The following NCOA7 variants were observed in gnomAD, a reference collection of about 807,000 sequenced individuals.
The protein encoded by NCOA7 is 140 kDa estrogen receptor-associated protein.
In NCOA7, 45 loss-of-function variants were observed where a neutral mutation model predicts 104.3. The ratio of observed to expected loss-of-function variants is 0.43; its 90% CI spans 0.34 to 0.55. The LOEUF (loss-of-function observed/expected upper bound fraction) is 0.55, where lower values mean the gene tolerates loss of function less well. Ranked by LOEUF, NCOA7 falls within the 20% of genes least tolerant of loss-of-function variation. The probability of loss-of-function intolerance (pLI) is 0.02; values close to 1 mark genes in which losing one functional copy is unlikely to be tolerated. For missense variants in NCOA7, 1,041 were observed against 1,119.7 expected (o/e 0.93, Z 1.00); for synonymous variants, 398 against 402.3 (o/e 0.99, Z 0.13).
At chr6:125,859,310 T>C (rs546807529) in intron 3 of NCOA7, among the ~76,000 whole-genome samples, 430 of 152,124 alleles carry the variant, frequency 2.8e-3, no homozygotes, top group Non-Finnish European at 5.2e-3. Flanking sequence ...ATGAATTTGT[T>C]TGGAGATGTT....
At chr6:125,883,713 CTTTTTTTTTTTTT>C (rs35489978) in intron 7 of NCOA7, among the ~76,000 whole-genome samples, 1 of 85,932 alleles carries the variant, frequency 1.2e-5, no homozygotes, top group Non-Finnish European at 2.2e-5. Flanking sequence ...ACCTACACCT[CTTTTTTTTTTTTT>C]TTTTTTTTTT....
At chr6:125,823,480 T>C (rs570776373) in intron 2 of NCOA7, among the ~76,000 whole-genome samples, 1 of 152,208 alleles carries the variant, frequency 6.6e-6, no homozygotes, top group Non-Finnish European at 1.5e-5. Context: ...CTAACTAAAC[T>C]GTTGTATGAG....
At chr6:125,879,353 A>G (rs1783632986) in intron 5 of NCOA7, among the ~76,000 whole-genome samples, 1 of 152,146 alleles carries the variant, frequency 6.6e-6, no homozygotes, top group Non-Finnish European at 1.5e-5. Context: ...GAGAAACTTC[A>G]TTTTTATCTC....
chr6:125,881,087 C>T lies in NCOA7; in HGVS notation c.460-3C>T, dbSNP rs771315868. On this transcript the variant is annotated splice_polypyrimidine_tract_variant and splice_region_variant and intron_variant, in intron 5 of 15. Transcript: ENST00000392477. ...TCACCCATCTGTTCTCTCCCATTCT[C>T]AGGTCCTTTTTGTGCCAGATGCCAA... 3 of 1,606,116 alleles carry T rather than the reference C, an allele frequency of 1.9e-6. No homozygotes were observed. Among genetic ancestry groups the T allele is most frequent in the Admixed American group, 1.7e-5 (1 of 59,996 alleles).
At chr6:125,923,646 A>T (rs1328340559) in intron 13 of NCOA7, among the ~76,000 whole-genome samples, 2 of 152,206 alleles carry the variant, frequency 1.3e-5, no homozygotes, top group African/African-American at 4.8e-5. Context: ...ATTTTCTGTC[A>T]CTGAAGCAGA....
At chr6:125,840,322 T>TA (rs1215608453) in intron 2 of NCOA7, among the ~76,000 whole-genome samples, 1 of 152,012 alleles carries the variant, frequency 6.6e-6, no homozygotes, top group African/African-American at 2.4e-5. Context: ...ACTGATAAAG[T>TA]AAAAAAGTTA....
chr6:125,888,540 A>G (rs947819773), intron 8 of NCOA7, among the ~76,000 whole-genome samples: 5 of 152,222 alleles, frequency 3.3e-5, no homozygotes, highest in Non-Finnish European at 7.3e-5. Flanking sequence ...ATGTTTGCAC[A>G]TTTAAGGAAT....
chr6:125,921,044 C>T lies in NCOA7; in HGVS notation c.2346C>T (p.Leu782=), dbSNP rs373104192. The T allele has an allele frequency of 6.8e-6, 11 of 1,613,610 alleles. No homozygotes were observed. The highest frequency in any genetic ancestry group is 2.2e-5 in the South Asian group (2 of 91,072). ...CTGTCCTACGGCCCCACAGCGCGCT[C>T]CTGGAGAATATGCACATCGAGCAGG... ...VLPVLRPHSA[L]LENMHIEQLA... Residue 782 remains leucine, a synonymous_variant, in exon 12 of 16, where the codon CTC becomes CTT. Coordinates refer to ENST00000392477, the MANE Select transcript of NCOA7 (RefSeq NM_181782.5).
chr6:125,923,715 A>G (rs1362708552), intron 13 of NCOA7, among the ~76,000 whole-genome samples: 1 of 152,214 alleles, frequency 6.6e-6, no homozygotes, highest in East Asian at 1.9e-4. Context: ...GCAAATATCT[A>G]ATTAGAGCCT....
intron 11 of NCOA7, among the ~76,000 whole-genome samples, chr6:125,916,144 A>C (rs186154464): frequency 6.6e-6 from 1 of 152,258 alleles, no homozygotes; most frequent in East Asian, 1.9e-4. Flanking sequence ...TGTTCTCATG[A>C]TAGTGAGGGA....
chr6:125,835,893 G>A (rs9491511), intron 2 of NCOA7, among the ~76,000 whole-genome samples: 5,491 of 152,296 alleles, frequency 0.036, 331 homozygotes, highest in African/African-American at 0.12. Context: ...TTAAAAAGGA[G>A]AATGACATGC....
intron 4 of NCOA7, among the ~76,000 whole-genome samples, chr6:125,876,956 T>A (rs1783432695): frequency 6.6e-6 from 1 of 152,114 alleles, no homozygotes; most frequent in Non-Finnish European, 1.5e-5. Flanking sequence ...CTTACTCTGA[T>A]CCCCCTATAC....
At chr6:125,800,788 A>G (rs1395475079) in intron 1 of NCOA7, among the ~76,000 whole-genome samples, 3 of 152,252 alleles carry the variant, frequency 2.0e-5, no homozygotes, top group Non-Finnish European at 4.4e-5. Flanking sequence ...ACATTTTGGG[A>G]GGCCAAGGCA....
chr6:125,930,311 C>T lies in NCOA7; in HGVS notation c.*1540C>T, dbSNP rs1337705150. ...AGCAGAGGTTGTAGTGAGCCAAGAT[C>T]GTGCCACTGCACTCTATCCTGGGTA... On this transcript the variant is annotated 3_prime_UTR_variant, in exon 16 of 16. Coordinates refer to ENST00000392477, the MANE Select transcript of NCOA7 (RefSeq NM_181782.5). 2 of 152,452 alleles carry T rather than the reference C, an allele frequency of 1.3e-5. No homozygotes were observed. Among genetic ancestry groups the T allele is most frequent in the Admixed American group, 6.6e-5 (1 of 15,238 alleles). The allele number at this position is 152,452 out of a possible 1,614,324, so 9.4% of individuals were successfully genotyped here.
intron 2 of NCOA7, among the ~76,000 whole-genome samples, chr6:125,826,539 C>T (rs1422864380): frequency 6.6e-6 from 1 of 151,878 alleles, no homozygotes; most frequent in East Asian, 1.9e-4. Context: ...TAAGACTTCT[C>T]TCAGTTCTTT....
chr6:125,807,073 C>T (rs1410460665), intron 1 of NCOA7, among the ~76,000 whole-genome samples: 1 of 152,138 alleles, frequency 6.6e-6, no homozygotes, highest in East Asian at 1.9e-4. Flanking sequence ...TTTGCACCTA[C>T]CTCTCAGACA....
chr6:125,842,725 G>A (rs1046624819), intron 2 of NCOA7, among the ~76,000 whole-genome samples: 15 of 152,236 alleles, frequency 9.9e-5, no homozygotes, highest in African/African-American at 3.4e-4. Context: ...AATCCTACCT[G>A]TTAAAATTTT....
chr6:125,857,711 C>A (rs1446497605), intron 3 of NCOA7, among the ~76,000 whole-genome samples: 1 of 152,074 alleles, frequency 6.6e-6, no homozygotes, highest in Non-Finnish European at 1.5e-5. Flanking sequence ...CAGGTGCACA[C>A]CATCACGCCC....
intron 10 of NCOA7, among the ~76,000 whole-genome samples, chr6:125,914,170 G>A (rs1407592): frequency 0.98 from 148,667 of 152,350 alleles, 72,557 homozygotes; most frequent in East Asian, 1. Flanking sequence ...TTACTGTAAC[G>A]TCATTCATAC....
Sources: gnomAD v4.1 joint callset for allele counts (sites outside exome capture counted in the v4.1 genomes callset) on GRCh38, gnomAD v4.1.1 for gene constraint, MANE v1.5 for transcripts, NCBI Gene and HGNC (gene_info 2026-07-23, HGNC 2026-07-21) for gene names.